ST6GALNAC3: variants seen among roughly 807,000 people sequenced by gnomAD.
ST6GALNAC3 encodes the protein alpha-N-acetylgalactosaminide alpha-2,6-sialyltransferase 3.
In ST6GALNAC3, 25 loss-of-function variants were observed where a neutral mutation model predicts 32.7. The observed-to-expected ratio is 0.76, with a 90% CI of 0.56 to 1.07. The LOEUF is 1.07. Ranked by LOEUF, ST6GALNAC3 falls within the 50% of genes least tolerant of loss-of-function variation. The probability of loss-of-function intolerance (pLI) is 0.00; values close to 1 mark genes in which losing one functional copy is unlikely to be tolerated. For synonymous variants in ST6GALNAC3, 129 were observed against 133.1 expected (o/e 0.97, Z 0.21); for missense variants, 355 against 382.4 (o/e 0.93, Z 0.60).
rs577113086 is a variant in ST6GALNAC3 at position 76,349,980 on chromosome 1, A to G, written c.213+35981A>G. Among the ~76,000 whole-genome samples the G allele has an allele frequency of 2.0e-5, 3 of 152,334 alleles. No homozygotes were observed. The East Asian group carries it at 5.8e-4, about 29-fold the overall frequency. ...GATGTATTTAAAGTTTCTAAGTTTTATATATAGATAGCTTGACTATAAAAG... is the reference window on the plus strand; with the variant it reads ...GATGTATTTAAAGTTTCTAAGTTTTGTATATAGATAGCTTGACTATAAAAG... On this transcript the variant is annotated intron_variant, in intron 2 of 4. Coordinates refer to ENST00000328299, the MANE Select transcript of ST6GALNAC3 (RefSeq NM_152996.4).
chr1:76,473,477 T>G (rs964532190), intron 3 of ST6GALNAC3, among the ~76,000 whole-genome samples: 1 of 152,196 alleles, frequency 6.6e-6, no homozygotes, highest in Non-Finnish European at 1.5e-5. Flanking sequence ...AATAAATGAT[T>G]GATTATATTC....
intron 2 of ST6GALNAC3, among the ~76,000 whole-genome samples, chr1:76,321,630 G>A (rs539905059): frequency 5.9e-5 from 9 of 152,276 alleles, no homozygotes; most frequent in South Asian, 2.1e-4. Context: ...AAACCTGCTG[G>A]GGGGCCAAAC....
chr1:76,266,032 T>TGAGTTATGGTCAAATTTCC (rs1271485034), intron 1 of ST6GALNAC3, among the ~76,000 whole-genome samples: 2 of 152,214 alleles, frequency 1.3e-5, no homozygotes, highest in Non-Finnish European at 2.9e-5. Flanking sequence ...CATAAATTTC[T>TGAGTTATGGTCAAATTTCC]GGGTTATGGT....
intron 1 of ST6GALNAC3, among the ~76,000 whole-genome samples, chr1:76,118,009 A>C (rs1648599573): frequency 6.6e-6 from 1 of 152,186 alleles, no homozygotes; most frequent in Non-Finnish European, 1.5e-5. Flanking sequence ...TCTGGGATAC[A>C]TGTGCAGAAT....
At chr1:76,164,080 C>A (rs1294434126) in intron 1 of ST6GALNAC3, among the ~76,000 whole-genome samples, 2 of 152,188 alleles carry the variant, frequency 1.3e-5, no homozygotes, top group South Asian at 4.1e-4. Flanking sequence ...GAAAAACCAA[C>A]AGATGAAGAA....
intron 3 of ST6GALNAC3, among the ~76,000 whole-genome samples, chr1:76,614,457 C>T (rs528393538): frequency 3.3e-5 from 5 of 152,242 alleles, no homozygotes; most frequent in Middle Eastern, 3.4e-3. Context: ...CGGTGGCTCA[C>T]GCCTGTAATC....
At chr1:76,520,632 G>A (rs151022442) in intron 3 of ST6GALNAC3, among the ~76,000 whole-genome samples, 1 of 152,038 alleles carries the variant, frequency 6.6e-6, no homozygotes, top group African/African-American at 2.4e-5. Context: ...TATCTGCATG[G>A]CTTATAGATT....
At chr1:76,578,214 T>C (rs1646839917) in intron 3 of ST6GALNAC3, among the ~76,000 whole-genome samples, 1 of 152,016 alleles carries the variant, frequency 6.6e-6, no homozygotes, top group Admixed American at 6.6e-5. Context: ...AAAATCCCTA[T>C]TGGTAAAACA....
chr1:76,101,451 A>G (rs747283576), intron 1 of ST6GALNAC3, among the ~76,000 whole-genome samples: 2 of 152,170 alleles, frequency 1.3e-5, no homozygotes, highest in African/African-American at 4.8e-5. Context: ...GGCACTTATA[A>G]GTACAGTTTC....
intron 3 of ST6GALNAC3, among the ~76,000 whole-genome samples, chr1:76,599,229 G>GT (rs35722541): frequency 6.6e-5 from 10 of 151,146 alleles, no homozygotes; most frequent in Non-Finnish European, 1.3e-4. Context: ...AAGATTTTGT[G>GT]TTTTTTTTTT....
intron 3 of ST6GALNAC3, among the ~76,000 whole-genome samples, chr1:76,617,773 C>T (rs1243515771): frequency 2.0e-5 from 3 of 152,118 alleles, no homozygotes; most frequent in Admixed American, 2.0e-4. Context: ...GATGTCTCCT[C>T]CAGCTGACAC....
At chr1:76,131,451 G>T (rs1460774147) in intron 1 of ST6GALNAC3, among the ~76,000 whole-genome samples, 1 of 152,210 alleles carries the variant, frequency 6.6e-6, no homozygotes, top group Non-Finnish European at 1.5e-5. Flanking sequence ...GATGCACATT[G>T]ATCCTGGTCT....
At chr1:76,598,739 A>G (rs12045874) in intron 3 of ST6GALNAC3, among the ~76,000 whole-genome samples, 3 of 98,134 alleles carry the variant, frequency 3.1e-5, no homozygotes, top group Admixed American at 2.0e-4. Context: ...TTCACAAATT[A>G]AAAAAAAAAA....
intron 3 of ST6GALNAC3, among the ~76,000 whole-genome samples, chr1:76,530,668 A>G (rs1014274136): frequency 5.9e-5 from 9 of 152,308 alleles, no homozygotes; most frequent in African/African-American, 1.9e-4. Flanking sequence ...TTTACTTTAA[A>G]ATAGTTTGAA....
intron 2 of ST6GALNAC3, among the ~76,000 whole-genome samples, chr1:76,376,595 A>G (rs973835315): frequency 5.3e-5 from 8 of 152,216 alleles, no homozygotes; most frequent in African/African-American, 1.9e-4. Flanking sequence ...TATATTCAGC[A>G]TAATTCCCTT....
chr1:76,112,973 G>T (rs1341916463), intron 1 of ST6GALNAC3, among the ~76,000 whole-genome samples: 1 of 152,084 alleles, frequency 6.6e-6, no homozygotes, highest in Non-Finnish European at 1.5e-5. Context: ...GCACTTTGGG[G>T]GGCCAAGGCA....
At chr1:76,568,116 G>A (rs1020937395) in intron 3 of ST6GALNAC3, among the ~76,000 whole-genome samples, 9 of 152,114 alleles carry the variant, frequency 5.9e-5, no homozygotes, top group Non-Finnish European at 7.4e-5. Flanking sequence ...TTAACTCACC[G>A]GGGGCATTAG....
intron 1 of ST6GALNAC3, among the ~76,000 whole-genome samples, chr1:76,284,047 G>A (rs543703571): frequency 2.1e-5 from 3 of 143,702 alleles, no homozygotes; most frequent in East Asian, 4.0e-4. Flanking sequence ...TGGAAATGCC[G>A]GAGAACTGAG....
intron 3 of ST6GALNAC3, among the ~76,000 whole-genome samples, chr1:76,460,560 A>ACCG (rs1658211022): frequency 6.6e-6 from 1 of 152,210 alleles, no homozygotes; most frequent in Non-Finnish European, 1.5e-5. Context: ...TAGGTGAGAC[A>ACCG]CCGCAGAATC....
Sources: gnomAD v4.1 joint callset for allele counts (sites outside exome capture counted in the v4.1 genomes callset) on GRCh38, gnomAD v4.1.1 for gene constraint, MANE v1.5 for transcripts, NCBI Gene and HGNC (gene_info 2026-07-23, HGNC 2026-07-21) for gene names.